Variants in DCLK3 observed in about 807,000 individuals in gnomAD.
The protein encoded by DCLK3 is serine/threonine-protein kinase DCLK3.
DCLK3 carries 30 observed loss-of-function variants against 46.4 expected under a neutral mutation model. The ratio of observed to expected loss-of-function variants is 0.65; its 90% CI spans 0.48 to 0.88. DCLK3 has a LOEUF of 0.88. Among genes scored for constraint, DCLK3 ranks in the 40% least tolerant of loss-of-function variants. The probability of loss-of-function intolerance (pLI) is 0.00; values close to 1 mark genes in which losing one functional copy is unlikely to be tolerated. For missense variants in DCLK3, 846 were observed against 907.1 expected, an observed-to-expected ratio of 0.93 and a Z score of 0.87; for synonymous variants, 401 against 339.2, an observed-to-expected ratio of 1.18 and a Z score of -2.00.
chr3:36,722,560 A>C (rs1393554736), intron 2 of DCLK3, among the ~76,000 whole-genome samples: 1 of 152,152 alleles, frequency 6.6e-6, no homozygotes, highest in Non-Finnish European at 1.5e-5. Context: ...CTTGAATTGT[A>C]ACTCCCACAA....
rs1241083733 is a variant in DCLK3, at chr3:36,713,400, G to T, written c.*1928C>A. The stretch of plus-strand genomic sequence containing the variant: ...TGGATTTAGTGAAATGAAGGTTACT[G>T]GTGTCTTTATCAAAATATGTTCTAG... On this transcript the variant is annotated 3_prime_UTR_variant, in exon 5 of 5. Coordinates refer to ENST00000636136, the MANE Select transcript of DCLK3 (RefSeq NM_001394672.2). 6.6e-6 allele frequency: 1 copy of T among 152,212 alleles called. No individual in the cohort carries two copies. Among genetic ancestry groups the T allele is most frequent in the Non-Finnish European group, 1.5e-5 (1 of 68,042 alleles). 9.4% of individuals were successfully genotyped at this position (152,212 alleles called of 1,614,324 possible).
intron 3 of DCLK3, among the ~76,000 whole-genome samples, chr3:36,718,921 A>T (rs1453822016): frequency 6.6e-6 from 1 of 152,182 alleles, no homozygotes; most frequent in East Asian, 1.9e-4. Flanking sequence ...ATAGGATCAC[A>T]TTGCACCTAT....
intron 1 of DCLK3, among the ~76,000 whole-genome samples, chr3:36,748,656 AAC>A (rs1701413546): frequency 6.6e-6 from 1 of 152,034 alleles, no homozygotes. Flanking sequence ...CATTAATATT[AAC>A]ATGGCCTCAT....
chr3:36,716,885 T>G (rs984968750), intron 4 of DCLK3, among the ~76,000 whole-genome samples: 1 of 152,186 alleles, frequency 6.6e-6, no homozygotes, highest in Admixed American at 6.5e-5. Context: ...AAATGATTTT[T>G]AGTCCCTCAA....
intron 1 of DCLK3, among the ~76,000 whole-genome samples, chr3:36,759,474 T>A (rs552140920): frequency 6.6e-6 from 1 of 152,316 alleles, no homozygotes; most frequent in African/African-American, 2.4e-5. Flanking sequence ...AATTGACCTG[T>A]GAGGGACACA....
At chr3:36,744,512 T>TTA (rs1209438875) in intron 1 of DCLK3, among the ~76,000 whole-genome samples, 1 of 152,212 alleles carries the variant, frequency 6.6e-6, no homozygotes, top group Non-Finnish European at 1.5e-5. Context: ...AAGCTGTTAT[T>TTA]AGCTGTGTGA....
rs1415427167 is a variant in DCLK3 at position 36,713,066 on chromosome 3, T to C, written c.*2262A>G. 1 of 152,216 alleles carries C rather than the reference T, an allele frequency of 6.6e-6. No individual in the cohort carries two copies. The highest frequency in any genetic ancestry group is 1.5e-5 in the Non-Finnish European group (1 of 68,034). 9.4% of individuals were successfully genotyped at this position (152,216 alleles called of 1,614,324 possible). A position where few individuals can be genotyped will look rare whatever the true frequency, so the allele number is the denominator to read the frequency against. On this transcript the variant is annotated 3_prime_UTR_variant, in exon 5 of 5. Coordinates refer to ENST00000636136, the MANE Select transcript of DCLK3 (RefSeq NM_001394672.2). ...AGCAGCAATGTACGGGAAGTTCCAG[T>C]CACTCTGCATCCTCGCTAGTAGTTG... is the stretch of plus-strand genomic sequence containing the variant.
chr3:36,747,046 G>C (rs1180108237), intron 1 of DCLK3, among the ~76,000 whole-genome samples: 1 of 152,146 alleles, frequency 6.6e-6, no homozygotes, highest in Non-Finnish European at 1.5e-5. Context: ...AAGTTAATAA[G>C]TAATTTGTGA....
intron 2 of DCLK3, among the ~76,000 whole-genome samples, chr3:36,734,957 T>C (rs1457621192): frequency 6.6e-6 from 1 of 152,250 alleles, no homozygotes; most frequent in African/African-American, 2.4e-5. Context: ...AGAGCTTCTA[T>C]TGCCCAAGAG....
At chr3:36,717,621 G>A (rs1701000437) in intron 4 of DCLK3, among the ~76,000 whole-genome samples, 1 of 152,160 alleles carries the variant, frequency 6.6e-6, no homozygotes, top group Non-Finnish European at 1.5e-5. Flanking sequence ...CTTCAAGTGT[G>A]CTGCTATAGG....
chr3:36,737,131 G>A lies in DCLK3; in HGVS notation c.1959+77C>T. 1 of 1,503,302 alleles carries A rather than the reference G, an allele frequency of 6.7e-7. No homozygotes were observed. Among genetic ancestry groups the A allele is most frequent in the Non-Finnish European group, 8.9e-7 (1 of 1,123,976 alleles). 93.1% of individuals were successfully genotyped at this position (1,503,302 alleles called of 1,614,324 possible). A position where few individuals can be genotyped will look rare whatever the true frequency, so the allele number is the denominator to read the frequency against. ...AATTCTAGTGTGTAAAGGTGACAGA[G>A]TATAAAACAATTAATATCAATTTTA... is the stretch of plus-strand genomic sequence containing the variant. On this transcript the variant is annotated intron_variant, in intron 2 of 4. Coordinates refer to ENST00000636136, the MANE Select transcript of DCLK3 (RefSeq NM_001394672.2). This position sits in a 1 kb window ranked among gnomAD's most constrained non-coding sequence, Gnocchi z 4.4.
chr3:36,728,751 C>T (rs1701156605), intron 2 of DCLK3, among the ~76,000 whole-genome samples: 1 of 152,132 alleles, frequency 6.6e-6, no homozygotes, highest in Admixed American at 6.5e-5. Flanking sequence ...CCTAATAAAT[C>T]CCCTCTCATA....
intron 1 of DCLK3, among the ~76,000 whole-genome samples, chr3:36,754,138 T>G (rs1701467135): frequency 6.6e-6 from 1 of 152,210 alleles, no homozygotes; most frequent in Non-Finnish European, 1.5e-5. Context: ...ATATTATCAA[T>G]GGCATTAAAG....
chr3:36,744,849 G>T (rs1393800687), intron 1 of DCLK3, among the ~76,000 whole-genome samples: 3 of 152,206 alleles, frequency 2.0e-5, no homozygotes, highest in Non-Finnish European at 4.4e-5. Flanking sequence ...AAGCAAACAG[G>T]TCTGCTGGGG....
chr3:36,752,117 T>C (rs1406132961), intron 1 of DCLK3, among the ~76,000 whole-genome samples: 1 of 152,252 alleles, frequency 6.6e-6, no homozygotes, highest in African/African-American at 2.4e-5. Flanking sequence ...AGAGTTACTT[T>C]GGCTGACTGG....
chr3:36,733,476 C>T (rs1701223347), intron 2 of DCLK3, among the ~76,000 whole-genome samples: 1 of 152,222 alleles, frequency 6.6e-6, no homozygotes, highest in African/African-American at 2.4e-5. Flanking sequence ...AATCTCTCAG[C>T]CATCAGCTAT....
In DCLK3 at chr3:36,737,164, T is replaced by A. The variant is rs1291567665; in HGVS notation, c.1959+44A>T. ...CAATTAATATCAATTTTATCCCATA[T>A]TCTAAAAACACCCTCTCCCATATCA... On this transcript the variant is annotated intron_variant, in intron 2 of 4. Coordinates refer to ENST00000636136, the MANE Select transcript of DCLK3 (RefSeq NM_001394672.2). The surrounding 1 kb of genome is among the most constrained non-coding windows in gnomAD (Gnocchi z 4.4). 1.3e-6 allele frequency: 2 copies of A among 1,574,186 alleles called. No individual in the cohort carries two copies. Among genetic ancestry groups the A allele is most frequent in the Non-Finnish European group, 1.7e-6 (2 of 1,161,018 alleles).
rs1700923468 is a variant in DCLK3 at position 36,712,577 on chromosome 3, G to A, written c.*2751C>T. The A allele has an allele frequency of 6.6e-6, 1 of 152,112 alleles. No homozygotes were observed. The highest frequency in any genetic ancestry group is 1.5e-5 in the Non-Finnish European group (1 of 68,026). 9.4% of individuals were successfully genotyped at this position (152,112 alleles called of 1,614,324 possible). On this transcript the variant is annotated 3_prime_UTR_variant, in exon 5 of 5. Transcript: ENST00000636136. ...TCCCTCTTCCCCAAAGTTACCAAGT[G>A]TTCCCTTGCAATCCTTCTGTCCCTC...
At chr3:36,755,974 A>C (rs1223786543) in intron 1 of DCLK3, among the ~76,000 whole-genome samples, 2 of 152,182 alleles carry the variant, frequency 1.3e-5, no homozygotes, top group Admixed American at 6.5e-5. Flanking sequence ...GAGAAGTGAC[A>C]CATGGCACTT....
Sources: gnomAD v4.1 joint callset for allele counts (sites outside exome capture counted in the v4.1 genomes callset) on GRCh38, gnomAD v4.1.1 for gene constraint, Gnocchi (gnomAD v3.1) non-coding constraint, MANE v1.5 for transcripts, NCBI Gene and HGNC (gene_info 2026-07-23, HGNC 2026-07-21) for gene names.